DIP2B: variants seen among roughly 807,000 people sequenced by gnomAD.
The protein encoded by DIP2B is DIP2 acetate--CoA ligase B (putative).
A neutral mutation model predicts 198.0 loss-of-function variants in DIP2B; 76 were observed. The observed-to-expected ratio is 0.38, with a 90% confidence interval of 0.32 to 0.46. The LOEUF is 0.46. Among genes scored for constraint, DIP2B ranks in the 20% least tolerant of loss-of-function variants. The pLI is 0.99. For missense variants in DIP2B, 1,559 were observed against 1,978.4 expected, an observed-to-expected ratio of 0.79 and a Z score of 4.02; for synonymous variants, 701 against 739.1, an observed-to-expected ratio of 0.95 and a Z score of 0.84.
chr12:50,712,931 G>A (rs1206382309), intron 22 of DIP2B, among the ~76,000 whole-genome samples: 1 of 151,838 alleles, frequency 6.6e-6, no homozygotes, highest in Non-Finnish European at 1.5e-5. Context: ...AAAGTTGATT[G>A]GTTCCATAAA....
At chr12:50,612,202 G>T (rs994987342) in intron 1 of DIP2B, among the ~76,000 whole-genome samples, 1 of 152,046 alleles carries the variant, frequency 6.6e-6, no homozygotes, top group Non-Finnish European at 1.5e-5. Flanking sequence ...AGCTGTGATT[G>T]CACGACTGCA....
At chr12:50,505,708 C>T (rs898115627) in intron 1 of DIP2B, among the ~76,000 whole-genome samples, 1 of 152,176 alleles carries the variant, frequency 6.6e-6, no homozygotes, top group Non-Finnish European at 1.5e-5. Flanking sequence ...AGCATCATTT[C>T]TTCTCTTTCC....
At chr12:50,686,765 T>G in intron 12 of DIP2B, 83 bp downstream of exon 12, 2 of 1,328,104 alleles carry the variant, frequency 1.5e-6, no homozygotes, top group Non-Finnish European at 2.1e-6. Context: ...ACTGAATTTT[T>G]GCAACGTTAA....
chr12:50,669,345 C>T (rs1938809889), intron 4 of DIP2B, among the ~76,000 whole-genome samples: 1 of 152,162 alleles, frequency 6.6e-6, no homozygotes, highest in Non-Finnish European at 1.5e-5. Context: ...GGCTTCAGAC[C>T]TTCCTCAATA....
intron 37 of DIP2B, among the ~76,000 whole-genome samples, chr12:50,742,933 C>CT (rs1171039470): frequency 9.9e-5 from 15 of 152,206 alleles, no homozygotes; most frequent in Middle Eastern, 3.4e-3. Flanking sequence ...ATAGGAGTCT[C>CT]TCCCCAGACC....
At position 50,731,511 on chromosome 12, in the gene DIP2B, C is replaced by A; in HGVS notation, c.3784C>A (p.Leu1262Ile). The change falls in exon 31 of 38, where the codon CTT becomes ATT. Residue 1262 changes from leucine (L) to isoleucine (I), a missense_variant. Leu to Ile is a conservative substitution (Grantham distance 5). Transcript: ENST00000301180. ...AGTGATGGAGCTCTGCACCAAAGGT[C>A]TTGGGAACCAAGTGGAAGTGCTAAA... ...YSVMELCTKG[L>I]GNQVEVLKTR... 6.2e-7 allele frequency: 1 copy of A among 1,613,564 alleles called. No homozygotes were observed. Among genetic ancestry groups the A allele is most frequent in the Non-Finnish European group, 8.5e-7 (1 of 1,179,680 alleles).
rs11327858 is a variant in DIP2B, at chr12:50,630,663, C to CTT, written c.172+4640_172+4641dup. ...TTGATCACCACGAATTCTTTCTTTT[C>CTT]TTTTTTTTTTTTTTTTTTTTTTTTT... On this transcript the variant is annotated intron_variant, in intron 2 of 37. Coordinates refer to ENST00000301180, the MANE Select transcript of DIP2B (RefSeq NM_173602.3). Among the ~76,000 whole-genome samples the CTT allele has an allele frequency of 4.8e-3, 356 of 74,594 alleles. 6 individuals carry two copies. The highest frequency in any genetic ancestry group is 0.014 in the South Asian group (30 of 2,144). The allele number at this position is 74,594 out of a possible 152,430, so 48.9% of individuals were successfully genotyped here.
chr12:50,744,983 C>A lies in DIP2B; in HGVS notation c.*144C>A, dbSNP rs1347543648. On this transcript the variant is annotated 3_prime_UTR_variant, in exon 38 of 38. Coordinates refer to ENST00000301180, the MANE Select transcript of DIP2B (RefSeq NM_173602.3). ...ATCTCATCCTGTGGGATTCTGCAAT[C>A]ATAAAACACAGGAAAGGGGAATTCT... 3.9e-6 allele frequency: 4 copies of A among 1,029,416 alleles called. No individual in the cohort carries two copies. In the African/African-American group the frequency reaches 4.8e-5, roughly 12 times the overall value. The allele number at this position is 1,029,416 out of a possible 1,614,324, so 63.8% of individuals were successfully genotyped here. A position where few individuals can be genotyped will look rare whatever the true frequency, so the allele number is the denominator to read the frequency against.
intron 1 of DIP2B, among the ~76,000 whole-genome samples, chr12:50,625,421 GA>G (rs2139468864): frequency 6.6e-6 from 1 of 152,330 alleles, no homozygotes; most frequent in Non-Finnish European, 1.5e-5. Flanking sequence ...AGAGCCACAT[GA>G]GTAAATAAGA....
chr12:50,663,329 C>T (rs373215345), intron 4 of DIP2B, among the ~76,000 whole-genome samples: 18 of 151,642 alleles, frequency 1.2e-4, no homozygotes, highest in East Asian at 1.2e-3. Context: ...GAGGCCGAGG[C>T]GGGTGGATCA....
At chr12:50,739,822 T>G (rs917696540) in intron 36 of DIP2B, among the ~76,000 whole-genome samples, 1 of 152,226 alleles carries the variant, frequency 6.6e-6, no homozygotes, top group African/African-American at 2.4e-5. Context: ...GTCAGAGAGA[T>G]GTGCCTGATG....
At chr12:50,719,727 G>A (rs887238458) in intron 25 of DIP2B, among the ~76,000 whole-genome samples, 8 of 151,664 alleles carry the variant, frequency 5.3e-5, no homozygotes, top group African/African-American at 1.9e-4. Flanking sequence ...TGTAATCCCA[G>A]CTACTCGGGA....
chr12:50,678,489 T>C (rs2139531952), intron 7 of DIP2B, among the ~76,000 whole-genome samples, 190 bp from the exon 8 acceptor site: 1 of 152,352 alleles, frequency 6.6e-6, no homozygotes, highest in Admixed American at 6.5e-5. Context: ...CGAATATGAT[T>C]TCACATTTAA....
intron 7 of DIP2B, among the ~76,000 whole-genome samples, chr12:50,676,781 C>A (rs1267457235): frequency 6.6e-6 from 1 of 152,222 alleles, no homozygotes; most frequent in Non-Finnish European, 1.5e-5. Flanking sequence ...TGTCAGCTTT[C>A]ATGGCAGGAA....
intron 1 of DIP2B, among the ~76,000 whole-genome samples, chr12:50,571,362 G>A (rs1196912936): frequency 4.0e-5 from 6 of 151,794 alleles, no homozygotes; most frequent in African/African-American, 1.5e-4. Context: ...AGTAGAGATG[G>A]GGTTATGCCA....
intron 1 of DIP2B, among the ~76,000 whole-genome samples, chr12:50,577,300 G>C (rs1391689662): frequency 6.6e-6 from 1 of 152,102 alleles, no homozygotes; most frequent in Non-Finnish European, 1.5e-5. Flanking sequence ...GGGAGGCCGA[G>C]GCGGGCGGAT....
At chr12:50,609,199 C>T (rs944567666) in intron 1 of DIP2B, among the ~76,000 whole-genome samples, 9 of 152,100 alleles carry the variant, frequency 5.9e-5, no homozygotes, top group Admixed American at 2.0e-4. Flanking sequence ...GGATTTGTAT[C>T]TTCTACATAA....
intron 23 of DIP2B, among the ~76,000 whole-genome samples, chr12:50,717,420 C>T (rs1265244396): frequency 8.0e-6 from 1 of 125,452 alleles, no homozygotes; most frequent in African/African-American, 3.1e-5. Flanking sequence ...GGCTGGAGTG[C>T]AGTGGCGCGA....
chr12:50,574,929 C>G (rs1448869568), intron 1 of DIP2B, among the ~76,000 whole-genome samples: 2 of 152,222 alleles, frequency 1.3e-5, no homozygotes, highest in East Asian at 1.9e-4. Flanking sequence ...TCTGAAACAT[C>G]TGTGATTTAG....
Sources: gnomAD v4.1 joint callset for allele counts (sites outside exome capture counted in the v4.1 genomes callset) on GRCh38, gnomAD v4.1.1 for gene constraint, MANE v1.5 for transcripts, NCBI Gene and HGNC (gene_info 2026-07-23, HGNC 2026-07-21) for gene names.